The following PM20D2 variants were observed in gnomAD, a reference collection of about 807,000 sequenced individuals.
PM20D2 encodes xaa-Arg dipeptidase.
Under a neutral mutation model 42.9 loss-of-function variants are expected in PM20D2, and 33 were observed. The observed-to-expected ratio is 0.77, with a 90% confidence interval of 0.58 to 1.03. PM20D2 has a LOEUF of 1.03. Among genes scored for constraint, PM20D2 ranks in the 50% least tolerant of loss-of-function variants. PM20D2 has a pLI of 0.00. For synonymous variants in PM20D2, 250 were observed against 228.2 expected, an observed-to-expected ratio of 1.10 and a Z score of -0.86; for missense variants, 548 against 557.0, an observed-to-expected ratio of 0.98 and a Z score of 0.16.
intron 4 of PM20D2, among the ~76,000 whole-genome samples, chr6:89,155,389 C>G (rs971542249): frequency 2.7e-5 from 4 of 150,132 alleles, no homozygotes; most frequent in Non-Finnish European, 4.4e-5. Flanking sequence ...ATCCTCTCAC[C>G]TCTGCCTCCC....
the PM20D2 span, among the ~76,000 whole-genome samples, chr6:89,136,332 C>T: frequency 2.4e-3 from 370 of 151,348 alleles, 4 homozygotes; most frequent in Non-Finnish European, 3.8e-3. Flanking sequence ...TATGTTAATA[C>T]GCAAAATATT....
chr6:89,105,798 G>T, the PM20D2 span: 1 of 203,850 alleles, frequency 4.9e-6, no homozygotes, highest in Non-Finnish European at 9.7e-6. Context: ...TAGTGTGGCT[G>T]CAGTATGCAT....
Position 89,146,150 on chromosome 6 carries a change from G to A in PM20D2, c.6G>A (p.Arg2=). 10 of 1,499,696 alleles carry A rather than the reference G, an allele frequency of 6.7e-6. No individual in the cohort carries two copies. The highest frequency in any genetic ancestry group is 8.8e-6 in the Non-Finnish European group (10 of 1,131,542). 92.9% of individuals were successfully genotyped at this position (1,499,696 alleles called of 1,614,324 possible). A position where few individuals can be genotyped will look rare whatever the true frequency, so the allele number is the denominator to read the frequency against. ...GGGCAGCGGGCTTGGGCAGCATGAG[G>A]CCCGGAGGGGAGCGGCCCGTGGAAG... M[R]PGGERPVEGG... Residue 2 remains arginine, a synonymous_variant, in exon 1 of 7, where the codon AGG becomes AGA. Transcript: ENST00000275072.
At chr6:89,141,738 T>C (rs1434775233), upstream of PM20D2, among the ~76,000 whole-genome samples, 1 of 152,200 alleles carries the variant, frequency 6.6e-6, no homozygotes, top group East Asian at 1.9e-4. Context: ...TCAATTATTC[T>C]TGTAGAACAA....
At chr6:89,100,725 CAAAT>C in the PM20D2 span, among the ~76,000 whole-genome samples, 3 of 151,966 alleles carry the variant, frequency 2.0e-5, no homozygotes, top group Admixed American at 1.3e-4. Flanking sequence ...TAAAAAGAAA[CAAAT>C]AGACATTTAA....
At chr6:89,105,858 C>T in the PM20D2 span, 1 of 159,148 alleles carries the variant, frequency 6.3e-6, no homozygotes, top group Non-Finnish European at 1.4e-5. Context: ...ATTTGGCTAG[C>T]ATTATAAAAT....
chr6:89,111,772 G>A, the PM20D2 span, among the ~76,000 whole-genome samples: 1 of 151,970 alleles, frequency 6.6e-6, no homozygotes, highest in East Asian at 1.9e-4. Context: ...GTTTTTTATA[G>A]CTGACATTTA....
chr6:89,104,510 A>G, the PM20D2 span, among the ~76,000 whole-genome samples: 480 of 152,172 alleles, frequency 3.2e-3, 2 homozygotes, highest in Admixed American at 6.1e-3. Flanking sequence ...TGCTGGGATC[A>G]TAAGTGTGAG....
intron 5 of PM20D2, among the ~76,000 whole-genome samples, chr6:89,159,931 A>C (rs1033896087): frequency 2.0e-5 from 3 of 152,158 alleles, no homozygotes; most frequent in Admixed American, 2.0e-4. Context: ...GGCCTGCTCT[A>C]CCCCGGGTTT....
upstream of PM20D2, among the ~76,000 whole-genome samples, chr6:89,143,554 T>A (rs924272109): frequency 6.6e-6 from 1 of 152,220 alleles, no homozygotes; most frequent in African/African-American, 2.4e-5. Flanking sequence ...GTTATACATC[T>A]TAATACTAAA....
chr6:89,142,525 A>G (rs1770359171), upstream of PM20D2, among the ~76,000 whole-genome samples: 1 of 152,176 alleles, frequency 6.6e-6, no homozygotes, highest in Non-Finnish European at 1.5e-5. Context: ...TGTAGGCTGG[A>G]TTCACATGCA....
the PM20D2 span, among the ~76,000 whole-genome samples, chr6:89,126,706 C>T: frequency 1.5e-3 from 230 of 148,622 alleles, 1 homozygote; most frequent in African/African-American, 5.4e-3. Context: ...TTAGCATTGT[C>T]CACTGAAAAG....
the PM20D2 span, among the ~76,000 whole-genome samples, chr6:89,112,954 T>G: frequency 6.6e-6 from 1 of 152,158 alleles, no homozygotes; most frequent in African/African-American, 2.4e-5. Context: ...TATTCAGTAT[T>G]GTAACATGCT....
chr6:89,113,451 C>G, the PM20D2 span, among the ~76,000 whole-genome samples: 1 of 151,936 alleles, frequency 6.6e-6, no homozygotes, highest in Admixed American at 6.6e-5. Context: ...GGATTATAGG[C>G]GTGAGCCACC....
the PM20D2 span, among the ~76,000 whole-genome samples, chr6:89,125,479 C>A: frequency 8.1e-5 from 12 of 148,172 alleles, no homozygotes; most frequent in Non-Finnish European, 6.0e-5. Context: ...GACTCCGTCT[C>A]AAAAAAAAAA....
chr6:89,150,715 T>C (rs1389079875), intron 2 of PM20D2, among the ~76,000 whole-genome samples: 1 of 151,488 alleles, frequency 6.6e-6, no homozygotes, highest in African/African-American at 2.4e-5. Context: ...AATTTTCATA[T>C]TTTTAGTAGA....
the PM20D2 span, among the ~76,000 whole-genome samples, chr6:89,135,420 AT>A: frequency 7.9e-5 from 12 of 151,162 alleles, no homozygotes; most frequent in East Asian, 1.2e-3. Context: ...CCTCTATCAA[AT>A]TTTTTTTGTA....
At chr6:89,114,134 CA>C in the PM20D2 span, among the ~76,000 whole-genome samples, 1 of 152,050 alleles carries the variant, frequency 6.6e-6, no homozygotes, top group Non-Finnish European at 1.5e-5. Context: ...ATGGGGTTAA[CA>C]AAGAACATAC....
intron 5 of PM20D2, among the ~76,000 whole-genome samples, chr6:89,161,400 G>T (rs187852304): frequency 7.2e-5 from 11 of 152,280 alleles, no homozygotes; most frequent in African/African-American, 2.4e-4. Context: ...TTATTTCATC[G>T]TCAGGTAGAG....
Sources: gnomAD v4.1 joint callset for allele counts (sites outside exome capture counted in the v4.1 genomes callset) on GRCh38, gnomAD v4.1.1 for gene constraint, MANE v1.5 for transcripts, NCBI Gene and HGNC (gene_info 2026-07-23, HGNC 2026-07-21) for gene names.